CACNA2D1: variants seen among roughly 807,000 people sequenced by gnomAD.
The protein encoded by CACNA2D1 is calcium voltage-gated channel auxiliary subunit alpha2delta 1.
In CACNA2D1, 53 loss-of-function variants were observed where a neutral mutation model predicts 171.5. The ratio of observed to expected loss-of-function variants is 0.31; its 90% CI spans 0.25 to 0.39. The LOEUF is 0.39. Among genes scored for constraint, CACNA2D1 ranks in the 10% least tolerant of loss-of-function variants. The pLI, the probability that CACNA2D1 is intolerant of heterozygous loss-of-function variation, is 1.00. For synonymous variants in CACNA2D1, 442 were observed against 443.1 expected (o/e 1.00, Z 0.03); for missense variants, 903 against 1,299.8 (o/e 0.69, Z 4.69).
At chr7:82,392,777 T>C (rs1304152322) in intron 1 of CACNA2D1, among the ~76,000 whole-genome samples, 5 of 152,184 alleles carry the variant, frequency 3.3e-5, no homozygotes, top group African/African-American at 9.6e-5. Flanking sequence ...AAGAAAATCA[T>C]TGGGTCTTTT....
At chr7:82,042,616 C>T (rs951752995) in intron 10 of CACNA2D1, among the ~76,000 whole-genome samples, 14 of 152,062 alleles carry the variant, frequency 9.2e-5, no homozygotes, top group Non-Finnish European at 1.6e-4. Context: ...TAGGAAGGCA[C>T]GTGTGTTAAC....
chr7:82,088,090 T>C (rs533195092), intron 6 of CACNA2D1, among the ~76,000 whole-genome samples: 59 of 152,258 alleles, frequency 3.9e-4, no homozygotes, highest in African/African-American at 1.3e-3. Flanking sequence ...TTTTTTTTGT[T>C]TTGTTTTGTT....
At chr7:82,150,284 A>AAAAAC (rs1793703171) in intron 4 of CACNA2D1, among the ~76,000 whole-genome samples, 1 of 137,398 alleles carries the variant, frequency 7.3e-6, no homozygotes, top group Non-Finnish European at 1.6e-5. Context: ...AACAACAACA[A>AAAAAC]AAAAAAACAC....
intron 2 of CACNA2D1, among the ~76,000 whole-genome samples, chr7:82,342,098 C>G (rs999838744): frequency 6.8e-6 from 1 of 147,844 alleles, no homozygotes; most frequent in South Asian, 2.1e-4. Flanking sequence ...TGATTCTCTG[C>G]ATCTTCACTC....
intron 3 of CACNA2D1, among the ~76,000 whole-genome samples, chr7:82,185,741 G>A (rs1220271020): frequency 6.6e-6 from 1 of 152,078 alleles, no homozygotes; most frequent in African/African-American, 2.4e-5. Context: ...GGAAAGTTTG[G>A]AAGAGCAGAT....
chr7:82,066,338 C>T (rs1484244922), intron 8 of CACNA2D1, 117 bp downstream of exon 8: 1 of 1,337,408 alleles, frequency 7.5e-7, no homozygotes, highest in African/African-American at 1.5e-5. Flanking sequence ...TTTTAAAAAT[C>T]AGATCACTTT....
chr7:82,413,446 A>G (rs1275362385), intron 1 of CACNA2D1, among the ~76,000 whole-genome samples: 1 of 152,144 alleles, frequency 6.6e-6, no homozygotes, highest in Non-Finnish European at 1.5e-5. Context: ...CATGACCCAC[A>G]TCTCCCTGGG....
chr7:82,417,650 T>C (rs546085249), intron 1 of CACNA2D1, among the ~76,000 whole-genome samples: 1 of 152,196 alleles, frequency 6.6e-6, no homozygotes, highest in African/African-American at 2.4e-5. Flanking sequence ...CAACCCAGGG[T>C]GATTTTGCCC....
chr7:82,294,878 A>G lies in CACNA2D1; in HGVS notation c.294+40257T>C, dbSNP rs180891817. Among the ~76,000 whole-genome samples, 459 of 152,308 alleles carry G rather than the reference A, an allele frequency of 3.0e-3. 5 individuals are homozygous for G. The East Asian group carries it at 0.034, about 11-fold the overall frequency. ...TTAAAATGTTTTACTTTTACATGAT[A>G]TATCCAATTTATAAACATCTACATG... On this transcript the variant is annotated intron_variant, in intron 3 of 38. Coordinates refer to ENST00000356860, the MANE Select transcript of CACNA2D1 (RefSeq NM_000722.4).
At chr7:81,988,475 A>C (rs1038029536) in intron 21 of CACNA2D1, among the ~76,000 whole-genome samples, 1 of 152,170 alleles carries the variant, frequency 6.6e-6, no homozygotes, top group African/African-American at 2.4e-5. Flanking sequence ...TCCTAGGAAT[A>C]CTAAAGGAGA....
At chr7:82,124,423 A>G (rs1234181169) in intron 5 of CACNA2D1, among the ~76,000 whole-genome samples, 2 of 152,142 alleles carry the variant, frequency 1.3e-5, no homozygotes, top group Non-Finnish European at 2.9e-5. Flanking sequence ...ATAGGAGTGT[A>G]ACTTTGTAAC....
At chr7:82,103,670 C>CATACAT (rs1563052967) in intron 6 of CACNA2D1, among the ~76,000 whole-genome samples, 1 of 151,488 alleles carries the variant, frequency 6.6e-6, no homozygotes, top group Non-Finnish European at 1.5e-5. Flanking sequence ...TGTGTATATA[C>CATACAT]ATATTCAGAT....
chr7:82,428,320 C>T (rs73704291), intron 1 of CACNA2D1, among the ~76,000 whole-genome samples: 22,143 of 151,244 alleles, frequency 0.15, 1,904 homozygotes, highest in African/African-American at 0.23. Flanking sequence ...ATGGAGCAAA[C>T]AGCCATCTTC....
chr7:82,273,285 TGCTAAGGAAATAAG>T (rs1424351337), intron 3 of CACNA2D1, among the ~76,000 whole-genome samples: 1 of 151,888 alleles, frequency 6.6e-6, no homozygotes, highest in Non-Finnish European at 1.5e-5. Context: ...TGAGAATTTA[TGCTAAGGAAATAAG>T]AAATTTGTAC....
intron 4 of CACNA2D1, among the ~76,000 whole-genome samples, chr7:82,158,082 T>C (rs1011085110): frequency 1.3e-5 from 2 of 151,966 alleles, no homozygotes; most frequent in African/African-American, 4.8e-5. Context: ...TGAATATATG[T>C]AAACATATCT....
At chr7:82,127,573 T>C (rs917735781) in intron 5 of CACNA2D1, among the ~76,000 whole-genome samples, 2 of 152,216 alleles carry the variant, frequency 1.3e-5, no homozygotes, top group African/African-American at 4.8e-5. Context: ...ACATATTCTA[T>C]TGTATAAGGT....
chr7:82,409,609 C>A (rs1585859890), intron 1 of CACNA2D1, among the ~76,000 whole-genome samples: 1 of 152,138 alleles, frequency 6.6e-6, no homozygotes. Flanking sequence ...GCGCTGGTAA[C>A]TTTTTTAAAT....
At chr7:82,276,525 G>C (rs976011842) in intron 3 of CACNA2D1, among the ~76,000 whole-genome samples, 3 of 152,142 alleles carry the variant, frequency 2.0e-5, no homozygotes, top group Non-Finnish European at 4.4e-5. Context: ...TTTCTGTTCA[G>C]GGATGGTGGC....
intron 12 of CACNA2D1, among the ~76,000 whole-genome samples, chr7:82,023,059 A>C (rs935511609): frequency 6.6e-6 from 1 of 151,842 alleles, no homozygotes; most frequent in Non-Finnish European, 1.5e-5. Flanking sequence ...TTCTATGGAA[A>C]ATAAAATAAT....
Sources: gnomAD v4.1 joint callset for allele counts (sites outside exome capture counted in the v4.1 genomes callset) on GRCh38, gnomAD v4.1.1 for gene constraint, MANE v1.5 for transcripts, NCBI Gene and HGNC (gene_info 2026-07-23, HGNC 2026-07-21) for gene names.